The following CNTNAP2 variants were observed in gnomAD, a reference collection of about 807,000 sequenced individuals.
CNTNAP2 encodes the protein contactin-associated protein-like 2.
CNTNAP2 carries 98 observed loss-of-function variants against 155.2 expected under a neutral mutation model. The observed-to-expected ratio is 0.63, with a 90% confidence interval of 0.54 to 0.75. The LOEUF (loss-of-function observed/expected upper bound fraction) is 0.75. CNTNAP2 is among the 30% of genes least tolerant of loss of function. CNTNAP2 has a pLI of 0.00. For synonymous variants in CNTNAP2, 651 were observed against 631.2 expected (o/e 1.03, Z -0.47); for missense variants, 1,727 against 1,688.1 (o/e 1.02, Z -0.40).
Position 147,216,095 on chromosome 7 carries a change from G to A in CNTNAP2, c.1348+83586G>A, listed in dbSNP as rs114813254. Among the ~76,000 whole-genome samples, 374 of 148,570 alleles carry A rather than the reference G, an allele frequency of 2.5e-3. 1 individual carries two copies. Among genetic ancestry groups the A allele is most frequent in the African/African-American group, 8.6e-3 (349 of 40,818 alleles). On this transcript the variant is annotated intron_variant, in intron 8 of 23. Transcript: ENST00000361727. ...TGTTTTGAAAAACAGTAGTTTATCTGGTATGTGTTTTGCAAGTATTAGTTC... is the reference window on the plus strand; with the variant it reads ...TGTTTTGAAAAACAGTAGTTTATCTAGTATGTGTTTTGCAAGTATTAGTTC...
chr7:146,393,702 A>G (rs764666442), intron 1 of CNTNAP2, among the ~76,000 whole-genome samples: 30 of 152,008 alleles, frequency 2.0e-4, no homozygotes, highest in African/African-American at 7.2e-5. Context: ...ATTCTCTGGA[A>G]TGTCTTCATA....
At chr7:146,619,712 C>T (rs539018774) in intron 1 of CNTNAP2, among the ~76,000 whole-genome samples, 1 of 152,252 alleles carries the variant, frequency 6.6e-6, no homozygotes, top group South Asian at 2.1e-4. Flanking sequence ...TCACATCATT[C>T]ACGGCATTTG....
intron 13 of CNTNAP2, among the ~76,000 whole-genome samples, chr7:147,818,684 A>C (rs886652556): frequency 1.3e-5 from 2 of 152,174 alleles, no homozygotes; most frequent in Non-Finnish European, 2.9e-5. Context: ...TTCCTCAAAA[A>C]TTTAACAATG....
chr7:146,459,033 C>G (rs1796598047), intron 1 of CNTNAP2, among the ~76,000 whole-genome samples: 1 of 152,116 alleles, frequency 6.6e-6, no homozygotes, highest in African/African-American at 2.4e-5. Context: ...ATCAAAAACT[C>G]TCAGCACTAC....
intron 1 of CNTNAP2, among the ~76,000 whole-genome samples, chr7:146,718,796 C>T (rs576635527): frequency 5.5e-4 from 84 of 151,496 alleles, no homozygotes; most frequent in Non-Finnish European, 1.0e-3. Context: ...CGGTATCTTT[C>T]TCCAAGAAGT....
At chr7:148,215,415 T>C (rs1795619399) in intron 18 of CNTNAP2, among the ~76,000 whole-genome samples, 1 of 152,142 alleles carries the variant, frequency 6.6e-6, no homozygotes, top group Non-Finnish European at 1.5e-5. Flanking sequence ...GTTGCAATGG[T>C]GTTTGGGCAA....
chr7:147,640,772 GA>G (rs1271534360), intron 13 of CNTNAP2, among the ~76,000 whole-genome samples: 1 of 152,174 alleles, frequency 6.6e-6, no homozygotes, highest in Non-Finnish European at 1.5e-5. Flanking sequence ...CCCTCATACA[GA>G]GACAGAGAGA....
chr7:146,353,803 A>AATG (rs1225691175), intron 1 of CNTNAP2, among the ~76,000 whole-genome samples: 7 of 152,076 alleles, frequency 4.6e-5, no homozygotes, highest in Middle Eastern at 3.2e-3. Context: ...TAATAATAAT[A>AATG]ATAAACTCCT....
At chr7:147,502,042 C>T (rs529553964) in intron 11 of CNTNAP2, among the ~76,000 whole-genome samples, 1 of 152,034 alleles carries the variant, frequency 6.6e-6, no homozygotes, top group Admixed American at 6.6e-5. Context: ...TACATTGATA[C>T]CATGAACATG....
chr7:146,346,393 T>C (rs1344951312), intron 1 of CNTNAP2, among the ~76,000 whole-genome samples: 3 of 152,116 alleles, frequency 2.0e-5, no homozygotes, highest in Non-Finnish European at 4.4e-5. Context: ...CTTGTAAGAA[T>C]GTAACTGGCT....
In CNTNAP2 at chr7:147,180,517, G is replaced by C. The variant is rs550504000; in HGVS notation, c.1348+48008G>C. On this transcript the variant is annotated intron_variant, in intron 8 of 23. Coordinates refer to ENST00000361727, the MANE Select transcript of CNTNAP2 (RefSeq NM_014141.6). ...AAATAGGAGAAACAAGCTTAAAATA[G>C]AAGAAACAAGCCATCACTTAAGTAG... 3.0e-4 allele frequency among the ~76,000 whole-genome samples: 45 copies of C among 152,010 alleles called. 1 individual carries two copies. The Middle Eastern group carries it at 0.024, about 80-fold the overall frequency.
chr7:147,655,187 A>C (rs1000939615), intron 13 of CNTNAP2, among the ~76,000 whole-genome samples: 2 of 151,218 alleles, frequency 1.3e-5, no homozygotes, highest in African/African-American at 4.9e-5. Flanking sequence ...CAGTGGCACA[A>C]TCTTGGCTCA....
intron 13 of CNTNAP2, among the ~76,000 whole-genome samples, chr7:147,821,973 A>C (rs931437726): frequency 2.6e-5 from 4 of 152,150 alleles, no homozygotes; most frequent in African/African-American, 4.8e-5. Flanking sequence ...GTGAGAAAGG[A>C]AGAAAATCAG....
intron 20 of CNTNAP2, among the ~76,000 whole-genome samples, chr7:148,233,234 C>T (rs566837458): frequency 1.3e-5 from 2 of 152,220 alleles, no homozygotes; most frequent in Non-Finnish European, 2.9e-5. Flanking sequence ...ACCCTTTCTT[C>T]TTCCTTTCCT....
intron 13 of CNTNAP2, among the ~76,000 whole-genome samples, chr7:147,732,014 C>T (rs1251016414): frequency 6.6e-6 from 1 of 151,808 alleles, no homozygotes; most frequent in Non-Finnish European, 1.5e-5. Flanking sequence ...GTTGCTTCTT[C>T]CAGATGAGCA....
intron 15 of CNTNAP2, among the ~76,000 whole-genome samples, chr7:147,996,295 T>C (rs1307103843): frequency 6.6e-6 from 1 of 152,214 alleles, no homozygotes; most frequent in Non-Finnish European, 1.5e-5. Flanking sequence ...TTACAGAAAT[T>C]ACCTGGGGTT....
In CNTNAP2 at chr7:147,108,128, A is replaced by ATTTT; in HGVS notation, c.551-11_551-8dup. ...ACATACATGGCTGAACTAATATGTTATTTTTTTTTTTGTTTTAGGGGCTGA... is the reference window on the plus strand; with the variant it reads ...ACATACATGGCTGAACTAATATGTTATTTTTTTTTTTTTTTGTTTTAGGGGCTGA... On this transcript the variant is annotated intron_variant, in intron 4 of 23. Transcript: ENST00000361727. The ATTTT allele has an allele frequency of 4.6e-6, 6 of 1,313,476 alleles. No individual in the cohort carries two copies. Among genetic ancestry groups the ATTTT allele is most frequent in the Non-Finnish European group, 5.2e-6 (5 of 956,738 alleles). The allele number at this position is 1,313,476 out of a possible 1,614,324, so 81.4% of individuals were successfully genotyped here. A position where few individuals can be genotyped will look rare whatever the true frequency, so the allele number is the denominator to read the frequency against.
chr7:147,282,835 A>G (rs1157149232), intron 8 of CNTNAP2, among the ~76,000 whole-genome samples: 1 of 151,854 alleles, frequency 6.6e-6, no homozygotes, highest in African/African-American at 2.4e-5. Context: ...GTCTCAAGCA[A>G]CTTTCCTGCT....
chr7:146,538,201 T>C (rs1797898634), intron 1 of CNTNAP2, among the ~76,000 whole-genome samples: 1 of 152,152 alleles, frequency 6.6e-6, no homozygotes, highest in Non-Finnish European at 1.5e-5. Context: ...AATAGGATTA[T>C]CCAGTATCTT....
Sources: allele counts gnomAD v4.1 joint callset (sites outside exome capture counted in the v4.1 genomes callset), GRCh38; gene constraint gnomAD v4.1.1; transcripts MANE v1.5; gene names NCBI Gene and HGNC (gene_info 2026-07-23, HGNC 2026-07-21).